Variants in DLGAP4 observed in about 807,000 individuals in gnomAD.
The protein encoded by DLGAP4 is disks large-associated protein 4.
Under a neutral mutation model 86.9 loss-of-function variants are expected in DLGAP4, and 18 were observed. That is an observed-to-expected ratio of 0.21 (90% CI 0.14 to 0.31). The LOEUF is 0.31. DLGAP4 is among the 10% of genes least tolerant of loss of function. The probability of loss-of-function intolerance (pLI) is 1.00; values close to 1 mark genes in which losing one functional copy is unlikely to be tolerated. For missense variants in DLGAP4, 1,085 were observed against 1,362.6 expected (o/e 0.80, Z 3.21); for synonymous variants, 548 against 574.3 (o/e 0.95, Z 0.65).
At position 36,511,510 on chromosome 20, in the gene DLGAP4, A is replaced by G. The variant is rs73279426; in HGVS notation, c.2512+10899A>G. Among the ~76,000 whole-genome samples the G allele has an allele frequency of 9.9e-3, 1,503 of 152,208 alleles. 25 individuals carry two copies. Among genetic ancestry groups the G allele is most frequent in the African/African-American group, 0.034 (1,433 of 41,540 alleles). Reference sequence around the variant, plus strand: ...TGAGCCACTGCACCTGGCCTCCTGCATATTTTTATTAGATTTATTCCTTAG... The same window carrying G: ...TGAGCCACTGCACCTGGCCTCCTGCGTATTTTTATTAGATTTATTCCTTAG... On this transcript the variant is annotated intron_variant, in intron 10 of 12. Coordinates refer to ENST00000339266, the MANE Select transcript of DLGAP4 (RefSeq NM_001365621.2).
At chr20:36,404,469 C>T (rs979049294) in intron 2 of DLGAP4, among the ~76,000 whole-genome samples, 3 of 152,288 alleles carry the variant, frequency 2.0e-5, no homozygotes, top group South Asian at 4.1e-4. Context: ...GTAAAGGAGG[C>T]GTCTCAAGCA....
chr20:36,381,465 A>G (rs1433273278), intron 2 of DLGAP4, among the ~76,000 whole-genome samples: 2 of 152,260 alleles, frequency 1.3e-5, no homozygotes, highest in Non-Finnish European at 2.9e-5. Flanking sequence ...CCTACCATGT[A>G]CAAGACTCTG....
intron 2 of DLGAP4, among the ~76,000 whole-genome samples, chr20:36,423,324 C>T (rs2032880691): frequency 1.3e-5 from 2 of 151,656 alleles, no homozygotes; most frequent in Admixed American, 6.6e-5. Context: ...GGCGTGGTGG[C>T]AGGCAACTGT....
chr20:36,462,518 CT>C, intron 7 of DLGAP4: 2 of 1,601,236 alleles, frequency 1.2e-6, no homozygotes, highest in East Asian at 2.3e-5. Flanking sequence ...CTCCCTCTCC[CT>C]TTTTCTGTCT....
rs1285761376 is a variant in DLGAP4 at position 36,308,717 on chromosome 20, G to A, written c.-304+2205G>A. On this transcript the variant is annotated intron_variant, in intron 1 of 12. Coordinates refer to ENST00000339266, the MANE Select transcript of DLGAP4 (RefSeq NM_001365621.2). The surrounding 1 kb of genome is among the most constrained non-coding windows in gnomAD (Gnocchi z 4.5). ...GGGAGGCTCTGAGGAACTGTATCCC[G>A]GGCACCGTATGTGACAGAAGCAGGT... 3.3e-5 allele frequency among the ~76,000 whole-genome samples: 5 copies of A among 152,070 alleles called. No homozygotes were observed. The highest frequency in any genetic ancestry group is 4.8e-5 in the African/African-American group (2 of 41,390).
intron 7 of DLGAP4, chr20:36,461,562 C>T (rs2034051870): frequency 3.1e-6 from 3 of 967,740 alleles, no homozygotes; most frequent in Non-Finnish European, 3.7e-6. Context: ...TCCGTCTGTC[C>T]GGTCCACGTC....
intron 7 of DLGAP4, among the ~76,000 whole-genome samples, chr20:36,476,703 T>TG (rs2034949934): frequency 2.7e-5 from 3 of 111,394 alleles, no homozygotes; most frequent in Non-Finnish European, 5.4e-5. Flanking sequence ...TTTTTTTTTT[T>TG]GGTTTTTTTT....
chr20:36,521,335 A>G (rs1044757269), intron 10 of DLGAP4, among the ~76,000 whole-genome samples: 6 of 152,056 alleles, frequency 3.9e-5, no homozygotes, highest in Non-Finnish European at 8.8e-5. Context: ...TTTCTCTTCC[A>G]TGCCTCTGAA....
intron 7 of DLGAP4, among the ~76,000 whole-genome samples, chr20:36,472,455 T>A (rs2147668704): frequency 6.6e-6 from 1 of 150,810 alleles, no homozygotes; most frequent in East Asian, 2.0e-4. Context: ...GTGAGCTGTT[T>A]GTGCCACTGC....
intron 7 of DLGAP4, chr20:36,461,872 T>C: frequency 1.0e-6 from 1 of 983,986 alleles, no homozygotes; most frequent in Non-Finnish European, 1.2e-6. Context: ...GCCCTCGCGC[T>C]CCTCCGCAGC....
chr20:36,359,146 CAG>C (rs1425239090), intron 1 of DLGAP4, among the ~76,000 whole-genome samples: 3 of 152,062 alleles, frequency 2.0e-5, no homozygotes, highest in African/African-American at 7.2e-5. Flanking sequence ...TTTTTTGAGA[CAG>C]AGTCTCTGTC....
intron 1 of DLGAP4, among the ~76,000 whole-genome samples, chr20:36,315,971 C>T (rs2065095497): frequency 6.6e-6 from 1 of 152,196 alleles, no homozygotes; most frequent in African/African-American, 2.4e-5. Flanking sequence ...AGCCCTGTGG[C>T]TTTCAGGAAC....
intron 8 of DLGAP4, chr20:36,497,583 C>G (rs981998055): frequency 5.1e-6 from 5 of 987,980 alleles, no homozygotes; most frequent in Admixed American, 1.2e-4. Context: ...GCCCAGAGCC[C>G]TCTCGGGCCT....
chr20:36,426,549 A>C (rs1255549781), intron 2 of DLGAP4, among the ~76,000 whole-genome samples: 1 of 152,048 alleles, frequency 6.6e-6, no homozygotes, highest in African/African-American at 2.4e-5. Flanking sequence ...AAAAGAAATT[A>C]CCAGGGGCTA....
intron 2 of DLGAP4, among the ~76,000 whole-genome samples, chr20:36,404,258 C>T (rs890519780): frequency 6.6e-6 from 1 of 152,162 alleles, no homozygotes; most frequent in African/African-American, 2.4e-5. Flanking sequence ...CTAAGAGTTC[C>T]TGTAGGTCTA....
intron 4 of DLGAP4, 120 bp from the exon 5 acceptor site, chr20:36,439,634 C>T: frequency 1.2e-6 from 1 of 805,800 alleles, no homozygotes; most frequent in Non-Finnish European, 2.0e-6. Flanking sequence ...TGCTGCCACC[C>T]TGCGGCTGCA....
intron 10 of DLGAP4, among the ~76,000 whole-genome samples, chr20:36,511,646 A>G (rs376907102): frequency 4.6e-5 from 7 of 151,994 alleles, no homozygotes; most frequent in African/African-American, 1.7e-4. Flanking sequence ...AGGCCGAGGT[A>G]GGCAGATCAT....
chr20:36,396,363 CACAT>C (rs1215381549), intron 2 of DLGAP4, among the ~76,000 whole-genome samples: 34 of 46,794 alleles, frequency 7.3e-4, no homozygotes, highest in Non-Finnish European at 8.8e-4. Context: ...ATACCACACG[CACAT>C]ACACACACCC....
intron 7 of DLGAP4, chr20:36,472,991 G>T (rs1254690293): frequency 1.3e-5 from 2 of 152,298 alleles, no homozygotes; most frequent in Non-Finnish European, 2.9e-5. Context: ...ACAGCCAGTA[G>T]GATGGGTTCT....
Sources: allele counts gnomAD v4.1 joint callset (sites outside exome capture counted in the v4.1 genomes callset), GRCh38; gene constraint gnomAD v4.1.1; non-coding constraint Gnocchi (gnomAD v3.1); transcripts MANE v1.5; gene names NCBI Gene and HGNC (gene_info 2026-07-23, HGNC 2026-07-21).